Variants in AMPH observed in about 807,000 individuals in gnomAD.
AMPH encodes the protein amphiphysin.
In AMPH, 49 loss-of-function variants were observed where a neutral mutation model predicts 99.1. The observed-to-expected ratio is 0.49, with a 90% CI of 0.39 to 0.63. The LOEUF (loss-of-function observed/expected upper bound fraction) is 0.63, where lower values mean the gene tolerates loss of function less well. Among genes scored for constraint, AMPH ranks in the 20% least tolerant of loss-of-function variants. AMPH has a pLI of 0.00. For missense variants in AMPH, 759 were observed against 863.4 expected, an observed-to-expected ratio of 0.88 and a Z score of 1.52; for synonymous variants, 314 against 317.3, an observed-to-expected ratio of 0.99 and a Z score of 0.11.
At chr7:38,457,437 A>C (rs1787274977) in intron 11 of AMPH, among the ~76,000 whole-genome samples, 1 of 152,266 alleles carries the variant, frequency 6.6e-6, no homozygotes, top group Admixed American at 6.5e-5. Context: ...GGAAGTTTCA[A>C]CCAGAGGCTA....
intron 1 of AMPH, among the ~76,000 whole-genome samples, chr7:38,546,813 C>T (rs1018460751): frequency 1.3e-5 from 2 of 152,182 alleles, no homozygotes; most frequent in Admixed American, 6.5e-5. Flanking sequence ...TAGCTATTTA[C>T]ACCATCTGTA....
intron 15 of AMPH, 91 bp from the exon 16 acceptor site, chr7:38,422,568 A>C: frequency 1.7e-6 from 1 of 586,992 alleles, no homozygotes; most frequent in Non-Finnish European, 2.9e-6. Context: ...CTATCTATCT[A>C]TCTATCTATC....
At chr7:38,441,771 ATATATATCATATATCTGT>A (rs1786528128) in intron 11 of AMPH, among the ~76,000 whole-genome samples, 1 of 140,862 alleles carries the variant, frequency 7.1e-6, no homozygotes, top group Non-Finnish European at 1.5e-5. Flanking sequence ...CATATATATG[ATATATATCATATATCTGT>A]CATATATATC....
In AMPH at chr7:38,384,597, CTGTT is replaced by C; in HGVS notation, c.*217_*220del. 4.4e-6 allele frequency: 2 copies of C among 453,838 alleles called. No homozygotes were observed. The highest frequency in any genetic ancestry group is 8.1e-6 in the Non-Finnish European group (2 of 247,370). 28.1% of individuals were successfully genotyped at this position (453,838 alleles called of 1,614,324 possible). A position where few individuals can be genotyped will look rare whatever the true frequency, so the allele number is the denominator to read the frequency against. ...CAGCTTGGACAAAGCACAAACAAAC[CTGTT>C]ATTGACAACATGGGAATGAGTGAGG... On this transcript the variant is annotated 3_prime_UTR_variant, in exon 21 of 21. Coordinates refer to ENST00000356264, the MANE Select transcript of AMPH (RefSeq NM_001635.4).
chr7:38,407,070 ATATATATGTG>A (rs1222528966), intron 17 of AMPH, among the ~76,000 whole-genome samples: 4 of 30,274 alleles, frequency 1.3e-4, no homozygotes, highest in Admixed American at 4.7e-4. Flanking sequence ...ATATATATAT[ATATATATGTG>A]TGTGTGTGTG....
chr7:38,489,085 T>C (rs1227968022), intron 5 of AMPH, among the ~76,000 whole-genome samples: 1 of 152,168 alleles, frequency 6.6e-6, no homozygotes, highest in Non-Finnish European at 1.5e-5. Context: ...CACTTCTTAT[T>C]TCAAAATTTG....
intron 17 of AMPH, among the ~76,000 whole-genome samples, chr7:38,398,194 A>AAC (rs1235400684): frequency 8.7e-4 from 118 of 135,032 alleles, no homozygotes; most frequent in African/African-American, 2.8e-3. Context: ...AAAAAAAAAA[A>AAC]ACAAAAAAAA....
chr7:38,400,142 C>G (rs1242056521), intron 17 of AMPH, among the ~76,000 whole-genome samples: 1 of 152,130 alleles, frequency 6.6e-6, no homozygotes, highest in Non-Finnish European at 1.5e-5. Context: ...ATGGTGTGAT[C>G]TTGGCTCACT....
At chr7:38,522,103 G>A (rs1269611392) in intron 2 of AMPH, among the ~76,000 whole-genome samples, 1 of 152,136 alleles carries the variant, frequency 6.6e-6, no homozygotes, top group East Asian at 1.9e-4. Context: ...CCTCAAGCAA[G>A]GATCTTGTAC....
intron 1 of AMPH, among the ~76,000 whole-genome samples, chr7:38,610,267 AG>A (rs1793593822): frequency 1.1e-3 from 32 of 28,812 alleles, no homozygotes; most frequent in Admixed American, 2.9e-3. Flanking sequence ...AAAAAAAGAA[AG>A]AAAGAAAGAA....
intron 19 of AMPH, among the ~76,000 whole-genome samples, 195 bp from the exon 20 acceptor site, chr7:38,390,100 A>C (rs1784447158): frequency 6.6e-6 from 1 of 152,216 alleles, no homozygotes; most frequent in Non-Finnish European, 1.5e-5. Context: ...TATTAATAGT[A>C]ATGCAATGCC....
intron 1 of AMPH, among the ~76,000 whole-genome samples, chr7:38,542,338 C>G (rs1328974213): frequency 6.6e-6 from 1 of 152,226 alleles, no homozygotes; most frequent in African/African-American, 2.4e-5. Context: ...TGGCCCCATT[C>G]ACAAACAGAG....
intron 3 of AMPH, among the ~76,000 whole-genome samples, chr7:38,501,454 G>A (rs10259950): frequency 0.29 from 43,973 of 151,974 alleles, 6,821 homozygotes; most frequent in Middle Eastern, 0.35. Flanking sequence ...CAAAGTGCTC[G>A]GATTAAAGGT....
chr7:38,594,388 C>A (rs1792974061), intron 1 of AMPH, among the ~76,000 whole-genome samples: 2 of 152,178 alleles, frequency 1.3e-5, no homozygotes, highest in Non-Finnish European at 2.9e-5. Flanking sequence ...ACCCTAGATA[C>A]CAGCTGTTTG....
At chr7:38,529,412 G>T (rs1252507271) in intron 2 of AMPH, among the ~76,000 whole-genome samples, 1 of 152,246 alleles carries the variant, frequency 6.6e-6, no homozygotes, top group Non-Finnish European at 1.5e-5. Context: ...TTGGGAACTT[G>T]TCAGAAATGC....
At chr7:38,473,505 C>T (rs1202276677) in intron 7 of AMPH, among the ~76,000 whole-genome samples, 1 of 67,324 alleles carries the variant, frequency 1.5e-5, no homozygotes, top group Non-Finnish European at 2.7e-5. Context: ...GAGATCGAGA[C>T]CATCCTGGCT....
chr7:38,584,370 G>A (rs985946004), intron 1 of AMPH, among the ~76,000 whole-genome samples: 6 of 152,176 alleles, frequency 3.9e-5, no homozygotes, highest in African/African-American at 7.2e-5. Flanking sequence ...ATATGGTTTC[G>A]TTTAGTAAGA....
At chr7:38,391,401 G>A (rs1049279795) in intron 19 of AMPH, among the ~76,000 whole-genome samples, 2 of 152,168 alleles carry the variant, frequency 1.3e-5, no homozygotes, top group African/African-American at 2.4e-5. Flanking sequence ...GGATATAGCC[G>A]AGTCAGGAGC....
At chr7:38,517,245 T>G (rs567533665) in intron 2 of AMPH, among the ~76,000 whole-genome samples, 47 of 152,330 alleles carry the variant, frequency 3.1e-4, no homozygotes, top group Non-Finnish European at 5.9e-4. Context: ...TCAAATTTCA[T>G]GTCAAATTGT....
Sources: gnomAD v4.1 joint callset for allele counts (sites outside exome capture counted in the v4.1 genomes callset) on GRCh38, gnomAD v4.1.1 for gene constraint, MANE v1.5 for transcripts, NCBI Gene and HGNC (gene_info 2026-07-23, HGNC 2026-07-21) for gene names.